Variants in CAPZA1 observed in about 807,000 individuals in gnomAD.
The protein encoded by CAPZA1 is capping actin protein of muscle Z-line subunit alpha 1.
A neutral mutation model predicts 40.8 loss-of-function variants in CAPZA1; 10 were observed. The ratio of observed to expected loss-of-function variants is 0.25; its 90% confidence interval spans 0.15 to 0.42. The LOEUF is 0.42. CAPZA1 is among the 10% of genes least tolerant of loss of function. The pLI is 1.00. For missense variants in CAPZA1, 277 were observed against 353.8 expected (o/e 0.78, Z 1.74); for synonymous variants, 98 against 115.0 (o/e 0.85, Z 0.95).
At chr1:112,639,898 C>A (rs1405524318) in intron 1 of CAPZA1, among the ~76,000 whole-genome samples, 1 of 133,726 alleles carries the variant, frequency 7.5e-6, no homozygotes, top group South Asian at 2.3e-4. Context: ...CCAGCCGCCC[C>A]GTCCGGGAGG....
At chr1:112,644,183 G>GTTT (rs1390088435) in intron 1 of CAPZA1, among the ~76,000 whole-genome samples, 1 of 39,476 alleles carries the variant, frequency 2.5e-5, no homozygotes, top group African/African-American at 1.3e-4. Flanking sequence ...TCTTCTCCCA[G>GTTT]CTTTTTTTTT....
At chr1:112,656,579 TAA>T (rs916419269) in intron 5 of CAPZA1, among the ~76,000 whole-genome samples, 2 of 150,940 alleles carry the variant, frequency 1.3e-5, no homozygotes, top group Non-Finnish European at 2.9e-5. Flanking sequence ...TGTTTAATCC[TAA>T]ATATACTTTG....
intron 1 of CAPZA1, among the ~76,000 whole-genome samples, chr1:112,632,237 G>A (rs936183428): frequency 3.3e-5 from 5 of 152,144 alleles, no homozygotes; most frequent in African/African-American, 1.2e-4. Flanking sequence ...GAACCCGGGA[G>A]GTGGAGGTTG....
Position 112,631,423 on chromosome 1 carries a change from A to G in CAPZA1, c.39+11540A>G, listed in dbSNP as rs550722164. On this transcript the variant is annotated intron_variant, in intron 1 of 9. Transcript: ENST00000263168. Reference sequence around the variant, plus strand: ...ACAGTCCTAGATATGAGTAGGTTTTATAATCACAAATGAAGAAACTAAGAC... The same window carrying G: ...ACAGTCCTAGATATGAGTAGGTTTTGTAATCACAAATGAAGAAACTAAGAC... Among the ~76,000 whole-genome samples, 6 of 152,316 alleles carry G rather than the reference A, an allele frequency of 3.9e-5. No homozygotes were observed. In the East Asian group the frequency reaches 1.2e-3, roughly 29 times the overall value.
intron 7 of CAPZA1, among the ~76,000 whole-genome samples, chr1:112,663,752 A>G (rs1024335109): frequency 6.6e-6 from 1 of 151,970 alleles, no homozygotes; most frequent in Admixed American, 6.6e-5. Flanking sequence ...TGATCTGCCC[A>G]CCTCGGCCTC....
In CAPZA1 at chr1:112,652,349, GCACA is replaced by G. The variant is rs1345749010; in HGVS notation, c.156-1248_156-1245del. On this transcript the variant is annotated intron_variant, in intron 3 of 9. Coordinates refer to ENST00000263168, the MANE Select transcript of CAPZA1 (RefSeq NM_006135.3). Reference sequence around the variant, plus strand: ...ATACAGAAATTAGCTGGGCATGGTGGCACATGGTAATCCCAGCTACTCTGGAGGC... The same window carrying G: ...ATACAGAAATTAGCTGGGCATGGTGGTGGTAATCCCAGCTACTCTGGAGGC... Among the ~76,000 whole-genome samples the G allele has an allele frequency of 1.3e-4, 20 of 151,176 alleles. No individual in the cohort carries two copies. In the South Asian group the frequency reaches 2.7e-3, roughly 21 times the overall value.
chr1:112,667,291 AT>A, intron 8 of CAPZA1, 146 bp downstream of exon 8: 1 of 602,168 alleles, frequency 1.7e-6, no homozygotes, highest in African/African-American at 1.9e-5. Flanking sequence ...AGTGCCTCTT[AT>A]CACCAACCAG....
intron 5 of CAPZA1, among the ~76,000 whole-genome samples, chr1:112,657,666 A>G (rs1671526302): frequency 6.6e-6 from 1 of 151,804 alleles, no homozygotes; most frequent in African/African-American, 2.4e-5. Flanking sequence ...ATCTCAGCTC[A>G]CTGCAACCTC....
intron 2 of CAPZA1, among the ~76,000 whole-genome samples, chr1:112,648,537 C>G (rs1671327437): frequency 6.6e-6 from 1 of 151,338 alleles, no homozygotes; most frequent in African/African-American, 2.4e-5. Flanking sequence ...AGGATGGTCT[C>G]GATCTCTTGA....
At chr1:112,628,751 C>T (rs1353553899) in intron 1 of CAPZA1, among the ~76,000 whole-genome samples, 3 of 152,150 alleles carry the variant, frequency 2.0e-5, no homozygotes, top group Non-Finnish European at 4.4e-5. Context: ...ACAGTCTGCC[C>T]GCCCTTGGTT....
chr1:112,668,395 A>G (rs1158062829), intron 8 of CAPZA1, among the ~76,000 whole-genome samples: 1 of 152,240 alleles, frequency 6.6e-6, no homozygotes, highest in African/African-American at 2.4e-5. Flanking sequence ...TTCCAAATCA[A>G]AAGAAAAAAA....
intron 1 of CAPZA1, among the ~76,000 whole-genome samples, chr1:112,639,845 GCCC>G (rs1671099909): frequency 6.8e-6 from 1 of 146,958 alleles, no homozygotes; most frequent in Non-Finnish European, 1.5e-5. Context: ...CCGGCCAGCC[GCCC>G]CGTCCGGGAG....
intron 7 of CAPZA1, among the ~76,000 whole-genome samples, chr1:112,662,401 T>C (rs920779915): frequency 7.9e-5 from 11 of 139,672 alleles, no homozygotes; most frequent in South Asian, 2.5e-4. Flanking sequence ...TTTTCTTTTT[T>C]TTTTTTTTTT....
intron 1 of CAPZA1, among the ~76,000 whole-genome samples, chr1:112,635,531 G>A (rs1025213421): frequency 2.7e-5 from 4 of 146,310 alleles, no homozygotes; most frequent in Non-Finnish European, 4.5e-5. Context: ...CTTAAAGTTC[G>A]TTTGTATGTG....
chr1:112,663,523 T>C (rs1671660943), intron 7 of CAPZA1, among the ~76,000 whole-genome samples: 1 of 151,974 alleles, frequency 6.6e-6, no homozygotes, highest in Admixed American at 6.5e-5. Flanking sequence ...CTCCAGTGGA[T>C]TCCAGTCTCT....
chr1:112,642,555 A>G (rs2101157014), intron 1 of CAPZA1, among the ~76,000 whole-genome samples: 1 of 152,174 alleles, frequency 6.6e-6, no homozygotes, highest in East Asian at 1.9e-4. Flanking sequence ...AGTTGATTGC[A>G]TCTTCCTTTG....
intron 1 of CAPZA1, among the ~76,000 whole-genome samples, chr1:112,638,915 T>G (rs529836732): frequency 6.7e-6 from 1 of 148,222 alleles, no homozygotes; most frequent in African/African-American, 2.5e-5. Context: ...TAGATATAGA[T>G]ATAGATATAG....
At chr1:112,659,520 A>G in intron 6 of CAPZA1, 181 bp from the exon 7 acceptor site, 1 of 589,426 alleles carries the variant, frequency 1.7e-6, no homozygotes, top group Non-Finnish European at 3.0e-6. Flanking sequence ...ACTTAGATCC[A>G]GACTTACATT....
At chr1:112,668,492 CTTGT>C (rs994641334) in intron 8 of CAPZA1, among the ~76,000 whole-genome samples, 16 of 151,890 alleles carry the variant, frequency 1.1e-4, no homozygotes, top group Admixed American at 6.6e-5. Flanking sequence ...TTGTTTTTTG[CTTGT>C]TTGTTTGTTT....
Sources: allele counts gnomAD v4.1 joint callset (sites outside exome capture counted in the v4.1 genomes callset), GRCh38; gene constraint gnomAD v4.1.1; transcripts MANE v1.5; gene names NCBI Gene and HGNC (gene_info 2026-07-23, HGNC 2026-07-21).